PLA2G4A: variants seen among roughly 807,000 people sequenced by gnomAD.
PLA2G4A encodes phospholipase A2 group IVA, also known as cytosolic phospholipase A2.
In PLA2G4A, 40 loss-of-function variants were observed where a neutral mutation model predicts 81.9. The observed-to-expected ratio is 0.49, with a 90% confidence interval of 0.38 to 0.64. The LOEUF is 0.64. PLA2G4A is among the 30% of genes least tolerant of loss of function. The pLI, the probability that PLA2G4A is intolerant of heterozygous loss-of-function variation, is 0.00. For synonymous variants in PLA2G4A, 302 were observed against 296.9 expected (o/e 1.02, Z -0.18); for missense variants, 715 against 905.1 (o/e 0.79, Z 2.69).
chr1:186,870,713 CA>C, intron 3 of PLA2G4A, 197 bp downstream of exon 3: 1 of 1,557,834 alleles, frequency 6.4e-7, no homozygotes, highest in Non-Finnish European at 8.7e-7. Context: ...TTAAATTAGC[CA>C]AAGTGACAAA....
rs766330711 is a variant in PLA2G4A, at chr1:186,870,474, T to A, written c.73T>A (p.Leu25Ile). 1 of 1,611,988 alleles carries A rather than the reference T, an allele frequency of 6.2e-7. No homozygotes were observed. The highest frequency in any genetic ancestry group is 8.5e-7 in the Non-Finnish European group (1 of 1,178,170). The part of the protein sequence containing the change: ...QYSHKFTVVV[L>I]RATKVTKGAF... ...TTCCCACAAGTTTACGGTAGTGGTG[T>A]TACGTGCCACCAAAGTGACAAAGGG... The change falls in exon 3 of 18, where the codon TTA (leucine) becomes ATA (isoleucine). Residue 25 changes from leucine (L) to isoleucine (I), a missense_variant. By Grantham distance (5) the Leu-to-Ile change is conservative. Transcript: ENST00000367466.
intron 17 of PLA2G4A, among the ~76,000 whole-genome samples, chr1:186,979,979 G>T (rs866649881): frequency 8.9e-6 from 1 of 112,982 alleles, no homozygotes; most frequent in African/African-American, 3.3e-5. Context: ...ATGGAGTCTC[G>T]CTCTGTCGCC....
intron 5 of PLA2G4A, among the ~76,000 whole-genome samples, chr1:186,904,703 C>G (rs1654672685): frequency 6.6e-6 from 1 of 152,340 alleles, no homozygotes; most frequent in South Asian, 2.1e-4. Flanking sequence ...AGTCTTGTCA[C>G]TCCATCCAGG....
At chr1:186,906,749 G>A (rs1393803070) in intron 5 of PLA2G4A, among the ~76,000 whole-genome samples, 1 of 152,230 alleles carries the variant, frequency 6.6e-6, no homozygotes, top group Admixed American at 6.5e-5. Context: ...CTAAAATGAC[G>A]TACTAAGTAG....
intron 13 of PLA2G4A, among the ~76,000 whole-genome samples, 162 bp downstream of exon 13, chr1:186,950,890 C>T (rs1207705166): frequency 6.6e-6 from 1 of 152,160 alleles, no homozygotes; most frequent in African/African-American, 2.4e-5. Flanking sequence ...TGTTGCATGT[C>T]TAATAAAATA....
At chr1:186,975,888 C>G (rs980961603) in intron 15 of PLA2G4A, among the ~76,000 whole-genome samples, 1 of 152,172 alleles carries the variant, frequency 6.6e-6, no homozygotes, top group Non-Finnish European at 1.5e-5. Flanking sequence ...AATCGTGCAG[C>G]ACCTTCCTGC....
intron 1 of PLA2G4A, among the ~76,000 whole-genome samples, chr1:186,830,608 CAAAAAAAAA>C (rs55745208): frequency 1.4e-4 from 10 of 72,694 alleles, no homozygotes; most frequent in African/African-American, 5.4e-4. Flanking sequence ...AGCTCTGTCT[CAAAAAAAAA>C]AAAAAAAAAA....
chr1:186,922,464 G>A (rs1054462171), intron 7 of PLA2G4A, among the ~76,000 whole-genome samples: 9 of 152,204 alleles, frequency 5.9e-5, no homozygotes, highest in Non-Finnish European at 1.3e-4. Flanking sequence ...TTCAGCCACT[G>A]TGTTGATCCT....
chr1:186,977,898 T>A, intron 16 of PLA2G4A, 110 bp downstream of exon 16: 2 of 786,286 alleles, frequency 2.5e-6, no homozygotes, highest in South Asian at 1.4e-5. Context: ...CACTATTGAA[T>A]GCTTCCCTTA....
At chr1:186,929,504 G>C (rs1655663986) in intron 7 of PLA2G4A, among the ~76,000 whole-genome samples, 1 of 152,054 alleles carries the variant, frequency 6.6e-6, no homozygotes, top group Non-Finnish European at 1.5e-5. Flanking sequence ...AAAAGCTTCA[G>C]GATCAATATT....
chr1:186,915,685 G>A (rs941725836), intron 7 of PLA2G4A, among the ~76,000 whole-genome samples: 1 of 152,076 alleles, frequency 6.6e-6, no homozygotes. Flanking sequence ...TGCCGTGGGG[G>A]CTGTCCAGTC....
intron 2 of PLA2G4A, among the ~76,000 whole-genome samples, chr1:186,864,448 T>C (rs1007446172): frequency 6.6e-6 from 1 of 152,128 alleles, no homozygotes; most frequent in Non-Finnish European, 1.5e-5. Context: ...TTTCTCTACA[T>C]CTATGCCAGC....
chr1:186,852,081 C>T (rs1407096378), intron 1 of PLA2G4A, among the ~76,000 whole-genome samples: 3 of 151,850 alleles, frequency 2.0e-5, no homozygotes, highest in African/African-American at 7.3e-5. Context: ...TATATATATC[C>T]TATCATTCAT....
At chr1:186,922,634 G>A (rs566163642) in intron 7 of PLA2G4A, among the ~76,000 whole-genome samples, 3 of 152,300 alleles carry the variant, frequency 2.0e-5, no homozygotes, top group Non-Finnish European at 2.9e-5. Context: ...TGCCTCGACC[G>A]TCTGTTAATC....
chr1:186,837,736 C>CAAAAAAAAAAAAAA (rs750655561), intron 1 of PLA2G4A, among the ~76,000 whole-genome samples: 15 of 55,098 alleles, frequency 2.7e-4, no homozygotes, highest in East Asian at 6.5e-4. Context: ...GACTCCGTCT[C>CAAAAAAAAAAAAAA]AAAAAAAAAA....
intron 7 of PLA2G4A, among the ~76,000 whole-genome samples, chr1:186,920,738 G>C (rs576671586): frequency 6.6e-6 from 1 of 152,316 alleles, no homozygotes; most frequent in South Asian, 2.1e-4. Flanking sequence ...TCTCCTTTCA[G>C]GGGAATTCCC....
chr1:186,864,734 G>A (rs896992826), intron 2 of PLA2G4A, among the ~76,000 whole-genome samples: 1 of 151,294 alleles, frequency 6.6e-6, no homozygotes, highest in East Asian at 1.9e-4. Flanking sequence ...GTGATTAAAA[G>A]AGGACTTAAA....
intron 6 of PLA2G4A, among the ~76,000 whole-genome samples, chr1:186,910,883 G>C (rs926334372): frequency 1.3e-5 from 2 of 152,196 alleles, no homozygotes; most frequent in African/African-American, 4.8e-5. Flanking sequence ...GGAGAGATAA[G>C]GGAAGGAATT....
intron 2 of PLA2G4A, among the ~76,000 whole-genome samples, chr1:186,864,564 T>G (rs12747953): frequency 0.09 from 13,617 of 151,940 alleles, 830 homozygotes; most frequent in Middle Eastern, 0.2. Flanking sequence ...ATGTTGAGCA[T>G]TTTTTCATAT....
Sources: allele counts gnomAD v4.1 joint callset (sites outside exome capture counted in the v4.1 genomes callset), GRCh38; gene constraint gnomAD v4.1.1; transcripts MANE v1.5; gene names NCBI Gene and HGNC (gene_info 2026-07-23, HGNC 2026-07-21).